Variants in FOCAD observed in about 807,000 individuals in gnomAD.
FOCAD encodes the protein focadhesin, also known as KIAA1797.
FOCAD carries 198 observed loss-of-function variants against 225.6 expected under a neutral mutation model. The observed-to-expected ratio is 0.88, with a 90% CI of 0.78 to 0.99. The LOEUF (loss-of-function observed/expected upper bound fraction) is 0.99, where lower values mean the gene tolerates loss of function less well. Ranked by LOEUF, FOCAD falls within the 50% of genes least tolerant of loss-of-function variation. The pLI is 0.00. For missense variants in FOCAD, 2,713 were observed against 2,123.6 expected (o/e 1.28, Z -5.46); for synonymous variants, 897 against 755.0 (o/e 1.19, Z -3.08).
chr9:20,748,346 A>G (rs1339207308), intron 5 of FOCAD, among the ~76,000 whole-genome samples: 1 of 151,988 alleles, frequency 6.6e-6, no homozygotes, highest in Non-Finnish European at 1.5e-5. Flanking sequence ...AGGAGTTCTA[A>G]GGAGACTGAG....
intron 11 of FOCAD, among the ~76,000 whole-genome samples, chr9:20,803,169 A>G (rs1447321640): frequency 2.0e-5 from 3 of 152,128 alleles, no homozygotes; most frequent in South Asian, 2.1e-4. Flanking sequence ...TTGAAATACT[A>G]TAGATGCCTT....
At chr9:20,828,367 G>T (rs937330462) in intron 15 of FOCAD, among the ~76,000 whole-genome samples, 1 of 151,876 alleles carries the variant, frequency 6.6e-6, no homozygotes, top group Non-Finnish European at 1.5e-5. Flanking sequence ...TCTATTTTTG[G>T]CTATTTTGAA....
In FOCAD at chr9:20,995,575, A is replaced by G. The variant is rs978085086; in HGVS notation, c.5352A>G (p.Arg1784=). Residue 1784 remains arginine, a synonymous_variant, in exon 44 of 44, where the codon AGA becomes AGG. Coordinates refer to ENST00000338382, the MANE Select transcript of FOCAD (RefSeq NM_001375567.1). ...CCTTAGCCACCCTGCTGTCCTTGAG[A>G]GTTCTCCCAGAGTTTAAGAAGAAAG... ...DLLKATLLSL[R]VLPEFKKKAV... 3 of 1,612,738 alleles carry G rather than the reference A, an allele frequency of 1.9e-6. No individual in the cohort carries two copies. In the African/African-American group the frequency reaches 4.0e-5, roughly 22 times the overall value.
intron 15 of FOCAD, 101 bp downstream of exon 15, chr9:20,823,216 A>G (rs1286549131): frequency 6.2e-6 from 8 of 1,286,970 alleles, no homozygotes; most frequent in Non-Finnish European, 8.3e-6. Flanking sequence ...CTGAAGTCTG[A>G]GTGTTCATTC....
chr9:20,725,329 A>C (rs1451385359), intron 4 of FOCAD, among the ~76,000 whole-genome samples: 1 of 152,254 alleles, frequency 6.6e-6, no homozygotes, highest in East Asian at 1.9e-4. Flanking sequence ...GAACTGAGAC[A>C]CACCATGATT....
chr9:20,926,269 G>C, intron 25 of FOCAD, 32 bp from the exon 26 acceptor site: 1 of 1,240,772 alleles, frequency 8.1e-7, no homozygotes, highest in Non-Finnish European at 1.2e-6. Flanking sequence ...TGTTTTCTCT[G>C]TAATCATTTC....
chr9:20,874,579 C>T lies in FOCAD; in HGVS notation c.2191-102C>T. On this transcript the variant is annotated intron_variant, in intron 18 of 43. Transcript: ENST00000338382. ...CTTTTATGTTATAGAGTGATGGAGT[C>T]TAACAAAATTTTAAAATCTTGTCAC... 11 of 1,260,608 alleles carry T rather than the reference C, an allele frequency of 8.7e-6. No homozygotes were observed. In the South Asian group the frequency reaches 1.6e-4, roughly 19 times the overall value. 78.1% of individuals were successfully genotyped at this position (1,260,608 alleles called of 1,614,324 possible).
intron 18 of FOCAD, among the ~76,000 whole-genome samples, chr9:20,873,445 G>GGA (rs1353720167): frequency 6.6e-6 from 1 of 152,174 alleles, no homozygotes. Flanking sequence ...ACATGCCAGA[G>GGA]TTTCTCTGAT....
At chr9:20,713,044 G>A (rs1824999296) in intron 1 of FOCAD, among the ~76,000 whole-genome samples, 1 of 151,978 alleles carries the variant, frequency 6.6e-6, no homozygotes, top group Admixed American at 6.6e-5. Flanking sequence ...TTTCTTCTGT[G>A]CTCTTATCCA....
intron 21 of FOCAD, among the ~76,000 whole-genome samples, chr9:20,887,616 A>G (rs183385509): frequency 1.4e-3 from 218 of 152,280 alleles, no homozygotes; most frequent in Middle Eastern, 6.8e-3. Context: ...TCTGTTTTCA[A>G]TGATTAAGAC....
At chr9:20,895,908 T>C (rs1158899813) in intron 21 of FOCAD, among the ~76,000 whole-genome samples, 1 of 151,904 alleles carries the variant, frequency 6.6e-6, no homozygotes, top group Non-Finnish European at 1.5e-5. Flanking sequence ...CAGTATGATG[T>C]TGAAAAAGAA....
chr9:20,740,259 C>A lies in FOCAD; in HGVS notation c.311C>A (p.Ala104Asp), dbSNP rs761004433. The A allele has an allele frequency of 1.9e-6, 3 of 1,609,038 alleles. No individual in the cohort carries two copies. In the Admixed American group the frequency reaches 5.0e-5, roughly 27 times the overall value. ...STRNTHGLIK[A>D]IMHLLQMQAL... ...AGAAATACACATGGCTTGATAAAAG[C>A]CATTATGCACTTACTACAAATGCAA... The change falls in exon 5 of 44, where the codon GCC becomes GAC. Residue 104 changes from alanine (A) to aspartate (D), a missense_variant. Transcript: ENST00000338382.
intron 11 of FOCAD, among the ~76,000 whole-genome samples, chr9:20,801,415 C>T (rs930075824): frequency 6.6e-6 from 1 of 152,132 alleles, no homozygotes; most frequent in Non-Finnish European, 1.5e-5. Context: ...ACCATGATCT[C>T]AAGTGATCCA....
At chr9:20,737,162 G>A (rs183325140) in intron 4 of FOCAD, among the ~76,000 whole-genome samples, 44 of 152,226 alleles carry the variant, frequency 2.9e-4, no homozygotes, top group Non-Finnish European at 4.4e-5. Flanking sequence ...GAGTAAGTGA[G>A]ACCTAACTTA....
In FOCAD at chr9:20,923,663, G is replaced by T. The variant is rs1480614198; in HGVS notation, c.2856G>T (p.Glu952Asp). The change falls in exon 25 of 44, where the codon GAG becomes GAT. Residue 952 changes from glutamate to aspartate, a missense_variant. Physicochemically the swap from Glu to Asp is conservative, Grantham distance 45. Transcript: ENST00000338382. ...TDEITKAAAK[E>D]SPVVKGNALL... The stretch of plus-strand genomic sequence containing the variant: ...AAATTTTTTTCCTTTTGAACAGGGA[G>T]AGTCCGGTAGTGAAAGGCAATGCGC... 2 of 1,613,360 alleles carry T rather than the reference G, an allele frequency of 1.2e-6. No individual in the cohort carries two copies. The highest frequency in any genetic ancestry group is 1.7e-6 in the Non-Finnish European group (2 of 1,179,580).
intron 18 of FOCAD, among the ~76,000 whole-genome samples, chr9:20,871,450 C>A (rs904180170): frequency 6.6e-6 from 1 of 151,866 alleles, no homozygotes; most frequent in South Asian, 2.1e-4. Context: ...AACAGGAATT[C>A]TTTCAACTGA....
rs370859335 is a variant in FOCAD at position 20,890,909 on chromosome 9, A to G, written c.2625+5679A>G. 3.3e-5 allele frequency among the ~76,000 whole-genome samples: 5 copies of G among 151,848 alleles called. 1 individual carries two copies. In the South Asian group the frequency reaches 1.0e-3, roughly 32 times the overall value. On this transcript the variant is annotated intron_variant, in intron 21 of 43. Coordinates refer to ENST00000338382, the MANE Select transcript of FOCAD (RefSeq NM_001375567.1). ...GTGTATCTACCTACAGACACACCTC[A>G]TTTTGTTGCACTTTGCAGATACTGC...
chr9:20,853,541 T>C (rs182610483), intron 15 of FOCAD, among the ~76,000 whole-genome samples: 2 of 151,784 alleles, frequency 1.3e-5, no homozygotes, highest in Non-Finnish European at 3.0e-5. Context: ...GTTGTTAATA[T>C]GAGAGTAGCT....
chr9:20,825,335 C>T (rs777906630), intron 15 of FOCAD, among the ~76,000 whole-genome samples: 2 of 151,938 alleles, frequency 1.3e-5, no homozygotes, highest in African/African-American at 2.4e-5. Context: ...GAGGTCAGCT[C>T]GCATTCTGTG....
Sources: allele counts gnomAD v4.1 joint callset (sites outside exome capture counted in the v4.1 genomes callset), GRCh38; gene constraint gnomAD v4.1.1; transcripts MANE v1.5; gene names NCBI Gene and HGNC (gene_info 2026-07-23, HGNC 2026-07-21).